The following SPACDR variants were observed in gnomAD, a reference collection of about 807,000 sequenced individuals.
SPACDR encodes uncharacterized protein C7orf61.
At chr7:100,462,026 G>C in the SPACDR span, among the ~76,000 whole-genome samples, 3 of 149,852 alleles carry the variant, frequency 2.0e-5, no homozygotes, top group Non-Finnish European at 4.4e-5. Context: ...GACTCCTTAG[G>C]TTTGGATAAC....
At chr7:100,463,890 G>A in the SPACDR span, 15 of 1,506,020 alleles carry the variant, frequency 1.0e-5, no homozygotes, top group East Asian at 1.7e-4. Flanking sequence ...GGGAACCCAC[G>A]CAGTAAGGGG....
the SPACDR span, among the ~76,000 whole-genome samples, chr7:100,458,372 G>A: frequency 2.0e-5 from 3 of 151,926 alleles, no homozygotes; most frequent in Non-Finnish European, 4.4e-5. Context: ...GAAAGCTACA[G>A]AACATTTCCA....
At chr7:100,456,874 T>C in the SPACDR span, 753 of 1,613,656 alleles carry the variant, frequency 4.7e-4, 12 homozygotes, top group South Asian at 7.8e-3. Flanking sequence ...CGCAGGTGTT[T>C]CCGAACGGCC....
At chr7:100,460,875 C>T in the SPACDR span, among the ~76,000 whole-genome samples, 1 of 151,658 alleles carries the variant, frequency 6.6e-6, no homozygotes, top group African/African-American at 2.4e-5. Flanking sequence ...GCTTACAATC[C>T]TACCCAAATA....
At chr7:100,457,223 G>A in the SPACDR span, among the ~76,000 whole-genome samples, 7 of 150,422 alleles carry the variant, frequency 4.7e-5, no homozygotes, top group African/African-American at 1.7e-4. Flanking sequence ...GGCTGGTCTC[G>A]AACTCCTGGG....
chr7:100,457,801 A>ATGTGTGTGTGTGTGTG, the SPACDR span, among the ~76,000 whole-genome samples: 2,015 of 73,802 alleles, frequency 0.027, 53 homozygotes, highest in Non-Finnish European at 0.033. Flanking sequence ...TTATATATAT[A>ATGTGTGTGTGTGTGTG]TATGTGTGTG....
At chr7:100,461,466 G>A in the SPACDR span, among the ~76,000 whole-genome samples, 1 of 151,162 alleles carries the variant, frequency 6.6e-6, no homozygotes, top group Non-Finnish European at 1.5e-5. Flanking sequence ...TTTGTAGAGA[G>A]AGGGTTTCAC....
chr7:100,457,113 C>G, the SPACDR span: 1 of 602,858 alleles, frequency 1.7e-6, no homozygotes, highest in Non-Finnish European at 2.9e-6. Flanking sequence ...CCAACTCATA[C>G]ATCACCTCCT....
the SPACDR span, chr7:100,463,815 C>T: frequency 1.6e-6 from 2 of 1,244,794 alleles, no homozygotes; most frequent in Non-Finnish European, 2.3e-6. Context: ...TCTCCTCCAG[C>T]CCCTCCCCAG....
the SPACDR span, among the ~76,000 whole-genome samples, chr7:100,457,699 C>A: frequency 1.4e-5 from 2 of 146,794 alleles, no homozygotes; most frequent in African/African-American, 5.1e-5. Context: ...CAGCTCACTG[C>A]AACCTCCACC....
At chr7:100,463,449 G>C in the SPACDR span, 1 of 1,613,822 alleles carries the variant, frequency 6.2e-7, no homozygotes, top group Non-Finnish European at 8.5e-7. Context: ...GGCAGCTGCA[G>C]TAGGGATTGG....
the SPACDR span, among the ~76,000 whole-genome samples, chr7:100,461,284 C>T: frequency 6.6e-6 from 1 of 152,076 alleles, no homozygotes. Context: ...GACAGGGTTT[C>T]ACCATGTCGG....
chr7:100,464,233 C>A, the SPACDR span: 1 of 1,442,262 alleles, frequency 6.9e-7, no homozygotes, highest in Non-Finnish European at 9.1e-7. Context: ...TCTCCCCTCC[C>A]TGGGACAGGG....
chr7:100,457,861 T>A, the SPACDR span, among the ~76,000 whole-genome samples: 1,430 of 69,178 alleles, frequency 0.021, 21 homozygotes, highest in Middle Eastern at 0.074. Flanking sequence ...ATATATATTT[T>A]TTTTTTTTTT....
the SPACDR span, among the ~76,000 whole-genome samples, chr7:100,458,204 G>A: frequency 2.1e-5 from 2 of 95,826 alleles, no homozygotes; most frequent in African/African-American, 8.4e-5. Context: ...TGGTGTGTGT[G>A]TGTGTGTGTG....
chr7:100,457,857 AT>A, the SPACDR span, among the ~76,000 whole-genome samples: 1,574 of 88,294 alleles, frequency 0.018, 64 homozygotes, highest in East Asian at 0.075. Flanking sequence ...ATATATATAT[AT>A]TTTTTTTTTT....
the SPACDR span, among the ~76,000 whole-genome samples, chr7:100,460,702 G>A: frequency 1.1e-4 from 17 of 151,662 alleles, no homozygotes; most frequent in Non-Finnish European, 1.6e-4. Context: ...CCAGGTTGGA[G>A]TGCAGTGGCA....
the SPACDR span, among the ~76,000 whole-genome samples, chr7:100,458,770 A>T: frequency 6.6e-6 from 1 of 151,912 alleles, no homozygotes; most frequent in Non-Finnish European, 1.5e-5. Context: ...TACTAAAAAT[A>T]CAAAAAATTA....
the SPACDR span, among the ~76,000 whole-genome samples, chr7:100,457,803 ATG>A: frequency 2.3e-4 from 17 of 72,588 alleles, no homozygotes; most frequent in South Asian, 1.2e-3. Flanking sequence ...ATATATATAT[ATG>A]TGTGTGTGTG....
Sources: gnomAD v4.1 joint callset for allele counts (sites outside exome capture counted in the v4.1 genomes callset) on GRCh38, gnomAD v4.1.1 for gene constraint, MANE v1.5 for transcripts, NCBI Gene and HGNC (gene_info 2026-07-23, HGNC 2026-07-21) for gene names.